SUGCT: variants seen among roughly 807,000 people sequenced by gnomAD.
The protein encoded by SUGCT is succinyl-CoA:glutarate-CoA transferase.
A neutral mutation model predicts 55.0 loss-of-function variants in SUGCT; 41 were observed. The observed-to-expected ratio is 0.74, with a 90% confidence interval of 0.58 to 0.97. SUGCT has a LOEUF of 0.97. Ranked by LOEUF, SUGCT falls within the 50% of genes least tolerant of loss-of-function variation. The probability of loss-of-function intolerance (pLI) is 0.00; values close to 1 mark genes in which losing one functional copy is unlikely to be tolerated. For missense variants in SUGCT, 568 were observed against 547.8 expected (o/e 1.04, Z -0.37); for synonymous variants, 187 against 200.4 (o/e 0.93, Z 0.56).
the SUGCT span, among the ~76,000 whole-genome samples, chr7:40,983,454 A>T: frequency 1.3e-5 from 2 of 152,174 alleles, no homozygotes; most frequent in East Asian, 3.9e-4. Flanking sequence ...CAACTTAAAA[A>T]CATTGGAAAA....
At chr7:40,843,177 G>A (rs1793363090) in intron 13 of SUGCT, among the ~76,000 whole-genome samples, 1 of 152,144 alleles carries the variant, frequency 6.6e-6, no homozygotes, top group Non-Finnish European at 1.5e-5. Context: ...ACTGGCCAAA[G>A]GGGCGATGGA....
At chr7:40,783,100 G>A (rs78318304) in intron 13 of SUGCT, among the ~76,000 whole-genome samples, 2,685 of 152,214 alleles carry the variant, frequency 0.018, 75 homozygotes, top group African/African-American at 0.06. Context: ...TCTTCCTGGC[G>A]TCAGTCACTA....
At chr7:40,760,567 C>T (rs776199706) in intron 13 of SUGCT, among the ~76,000 whole-genome samples, 5 of 151,990 alleles carry the variant, frequency 3.3e-5, no homozygotes, top group Non-Finnish European at 7.4e-5. Context: ...CTAAAGTGTA[C>T]GCTTAAAAAT....
chr7:40,439,062 GTGTATATATATATATA>G lies in SUGCT; in HGVS notation c.817-10223_817-10208del, dbSNP rs1339511284. On this transcript the variant is annotated intron_variant, in intron 9 of 13. Coordinates refer to ENST00000335693, the MANE Select transcript of SUGCT (RefSeq NM_001193313.2). ...TATATATATATATGGTATATATATGGTGTATATATATATATATATATATATATATATATATATATAT... is the reference window on the plus strand; with the variant it reads ...TATATATATATATGGTATATATATGGTATATATATATATATATATATATAT... Among the ~76,000 whole-genome samples, 78 of 47,030 alleles carry G rather than the reference GTGTATATATATATATA, an allele frequency of 1.7e-3. 11 individuals are homozygous for G. In the Middle Eastern group the frequency reaches 0.037, roughly 23 times the overall value. The allele number at this position is 47,030 out of a possible 152,430, so 30.9% of individuals were successfully genotyped here.
chr7:40,510,033 G>T (rs974391884), intron 12 of SUGCT, among the ~76,000 whole-genome samples: 1 of 152,012 alleles, frequency 6.6e-6, no homozygotes, highest in Non-Finnish European at 1.5e-5. Flanking sequence ...TAAAAGTTTA[G>T]ATATTTTGTA....
At chr7:40,292,303 G>T (rs1793838215) in intron 8 of SUGCT, among the ~76,000 whole-genome samples, 1 of 152,090 alleles carries the variant, frequency 6.6e-6, no homozygotes, top group South Asian at 2.1e-4. Context: ...ACAATTGTAA[G>T]AAATTTCAGC....
chr7:40,949,263 G>A, the SUGCT span, among the ~76,000 whole-genome samples: 1 of 152,200 alleles, frequency 6.6e-6, no homozygotes, highest in Non-Finnish European at 1.5e-5. Context: ...CTTTTGAGAA[G>A]TGTCTGTTCA....
At chr7:40,323,670 G>A (rs961631854) in intron 9 of SUGCT, among the ~76,000 whole-genome samples, 1 of 152,152 alleles carries the variant, frequency 6.6e-6, no homozygotes, top group Admixed American at 6.5e-5. Flanking sequence ...TAAGATTACA[G>A]CTGTGAGCCA....
At chr7:40,997,306 T>C in the SUGCT span, among the ~76,000 whole-genome samples, 1 of 152,200 alleles carries the variant, frequency 6.6e-6, no homozygotes, top group Non-Finnish European at 1.5e-5. Flanking sequence ...ACTGCACTGA[T>C]GCAGGTCCTG....
intron 12 of SUGCT, among the ~76,000 whole-genome samples, chr7:40,621,408 T>G (rs1275250422): frequency 6.6e-6 from 1 of 152,190 alleles, no homozygotes; most frequent in African/African-American, 2.4e-5. Flanking sequence ...GAGCTGCTTT[T>G]TATTCCCTGG....
At chr7:40,851,617 C>T (rs1047034516) in intron 13 of SUGCT, among the ~76,000 whole-genome samples, 1 of 152,154 alleles carries the variant, frequency 6.6e-6, no homozygotes, top group Admixed American at 6.5e-5. Flanking sequence ...AGAACCATCC[C>T]TTAGAGGACC....
the SUGCT span, among the ~76,000 whole-genome samples, chr7:40,905,741 G>A: frequency 6.6e-6 from 1 of 150,886 alleles, no homozygotes; most frequent in South Asian, 2.1e-4. Context: ...TTAGAGGCAG[G>A]ATCTCACTTT....
the SUGCT span, among the ~76,000 whole-genome samples, chr7:40,972,470 T>A: frequency 6.6e-6 from 1 of 152,178 alleles, no homozygotes; most frequent in South Asian, 2.1e-4. Flanking sequence ...GTACGTTGGT[T>A]CCCCTTGCTT....
intron 12 of SUGCT, among the ~76,000 whole-genome samples, chr7:40,620,272 G>A (rs1562904998): frequency 6.6e-6 from 1 of 152,144 alleles, no homozygotes; most frequent in Non-Finnish European, 1.5e-5. Flanking sequence ...TACCAGCACA[G>A]CACTTGTTCA....
At chr7:40,265,668 C>A (rs1015627640) in intron 7 of SUGCT, among the ~76,000 whole-genome samples, 6 of 151,286 alleles carry the variant, frequency 4.0e-5, no homozygotes, top group Non-Finnish European at 5.9e-5. Flanking sequence ...AAAAAAAAAA[C>A]CTTTGGCTGG....
intron 9 of SUGCT, among the ~76,000 whole-genome samples, chr7:40,371,971 CAT>C (rs372757245): frequency 6.6e-6 from 1 of 150,626 alleles, no homozygotes; most frequent in Non-Finnish European, 1.5e-5. Flanking sequence ...CACACACACA[CAT>C]CTGTATAAAA....
At chr7:40,294,967 G>A (rs919130304) in intron 8 of SUGCT, among the ~76,000 whole-genome samples, 2 of 152,158 alleles carry the variant, frequency 1.3e-5, no homozygotes, top group African/African-American at 2.4e-5. Context: ...TGTGGTGAAG[G>A]GCATTGTTAA....
chr7:40,473,732 C>T (rs768137637), intron 11 of SUGCT, among the ~76,000 whole-genome samples: 18 of 152,118 alleles, frequency 1.2e-4, no homozygotes, highest in Non-Finnish European at 7.4e-5. Flanking sequence ...ATGCAAATAA[C>T]CCCCTTGGGG....
intron 2 of SUGCT, among the ~76,000 whole-genome samples, chr7:40,181,467 C>T (rs1444290138): frequency 6.6e-6 from 1 of 152,092 alleles, no homozygotes; most frequent in Non-Finnish European, 1.5e-5. Context: ...TTATAGGGGC[C>T]AGGCGCGGTG....
Sources: allele counts gnomAD v4.1 joint callset (sites outside exome capture counted in the v4.1 genomes callset), GRCh38; gene constraint gnomAD v4.1.1; transcripts MANE v1.5; gene names NCBI Gene and HGNC (gene_info 2026-07-23, HGNC 2026-07-21).